The following C8orf34 variants were observed in gnomAD, a reference collection of about 807,000 sequenced individuals.
C8orf34 encodes the protein uncharacterized protein C8orf34.
In C8orf34, 65 loss-of-function variants were observed where a neutral mutation model predicts 68.3. The ratio of observed to expected loss-of-function variants is 0.95; its 90% CI spans 0.78 to 1.17. The LOEUF (loss-of-function observed/expected upper bound fraction) is 1.17, where lower values mean the gene tolerates loss of function less well. Ranked by LOEUF, C8orf34 falls within the 50% of genes most tolerant of loss-of-function variation. The pLI is 0.00. For synonymous variants in C8orf34, 244 were observed against 241.2 expected (o/e 1.01, Z -0.11); for missense variants, 664 against 655.4 (o/e 1.01, Z -0.14).
At chr8:68,804,154 T>C (rs1161946398) in intron 12 of C8orf34, among the ~76,000 whole-genome samples, 3 of 152,200 alleles carry the variant, frequency 2.0e-5, no homozygotes, top group East Asian at 1.9e-4. Flanking sequence ...AACTTTGCTG[T>C]CATTTTCTCA....
At chr8:68,508,768 G>A (rs561042401) in intron 5 of C8orf34, among the ~76,000 whole-genome samples, 3 of 152,248 alleles carry the variant, frequency 2.0e-5, no homozygotes, top group African/African-American at 7.2e-5. Flanking sequence ...ATGCAAGAGA[G>A]CAAGTCAAAA....
At chr8:68,575,822 A>G (rs1204243036) in intron 7 of C8orf34, among the ~76,000 whole-genome samples, 2 of 151,982 alleles carry the variant, frequency 1.3e-5, no homozygotes, top group Non-Finnish European at 2.9e-5. Flanking sequence ...ATCAAGTATT[A>G]TCATTGGCTC....
intron 8 of C8orf34, among the ~76,000 whole-genome samples, chr8:68,657,321 T>C (rs1819537623): frequency 6.6e-6 from 1 of 152,032 alleles, no homozygotes; most frequent in African/African-American, 2.4e-5. Context: ...CTTTGGGAGG[T>C]AATTAGGTCA....
chr8:68,455,652 C>T (rs1245844945), intron 3 of C8orf34, among the ~76,000 whole-genome samples: 1 of 151,902 alleles, frequency 6.6e-6, no homozygotes, highest in Non-Finnish European at 1.5e-5. Context: ...CATTATATGT[C>T]AGCACATTAT....
chr8:68,738,508 G>T (rs959559063), intron 10 of C8orf34, among the ~76,000 whole-genome samples: 7 of 151,928 alleles, frequency 4.6e-5, no homozygotes, highest in African/African-American at 1.7e-4. Context: ...TCAGGAGTTG[G>T]TTTTTTGAAA....
At chr8:68,345,639 A>G (rs952741802) in intron 1 of C8orf34, among the ~76,000 whole-genome samples, 4 of 152,006 alleles carry the variant, frequency 2.6e-5, no homozygotes, top group African/African-American at 9.7e-5. Flanking sequence ...CAAGTAATTA[A>G]TACAGAAAGG....
At chr8:68,677,977 A>G (rs1820245089) in intron 8 of C8orf34, among the ~76,000 whole-genome samples, 1 of 152,124 alleles carries the variant, frequency 6.6e-6, no homozygotes, top group Non-Finnish European at 1.5e-5. Context: ...AAACTGGAAA[A>G]CCTAAAAGAA....
intron 5 of C8orf34, among the ~76,000 whole-genome samples, chr8:68,489,935 A>G (rs1813239507): frequency 6.6e-6 from 1 of 152,148 alleles, no homozygotes; most frequent in African/African-American, 2.4e-5. Flanking sequence ...TAATAAACAA[A>G]CCATCATAAT....
intron 1 of C8orf34, among the ~76,000 whole-genome samples, chr8:68,353,000 A>G (rs929975948): frequency 6.6e-6 from 1 of 152,140 alleles, no homozygotes; most frequent in Non-Finnish European, 1.5e-5. Flanking sequence ...TATCTCTTGC[A>G]ACATAATGAA....
intron 10 of C8orf34, among the ~76,000 whole-genome samples, chr8:68,731,716 C>G (rs1755858079): frequency 6.6e-6 from 1 of 152,136 alleles, no homozygotes; most frequent in South Asian, 2.1e-4. Flanking sequence ...AATGGCTGTG[C>G]ATTATTGCAG....
intron 1 of C8orf34, among the ~76,000 whole-genome samples, chr8:68,380,771 G>A (rs887026025): frequency 6.6e-6 from 1 of 152,152 alleles, no homozygotes; most frequent in Non-Finnish European, 1.5e-5. Flanking sequence ...AAGAACTTCA[G>A]GATTGAAACT....
At chr8:68,544,902 A>G (rs1340272882) in intron 7 of C8orf34, among the ~76,000 whole-genome samples, 2 of 152,214 alleles carry the variant, frequency 1.3e-5, no homozygotes, top group Non-Finnish European at 2.9e-5. Context: ...TCAGTGCAAC[A>G]TACAAAATAA....
chr8:68,771,780 T>TA (rs1388934748), intron 10 of C8orf34, among the ~76,000 whole-genome samples: 3 of 151,714 alleles, frequency 2.0e-5, no homozygotes, highest in East Asian at 3.9e-4. Context: ...CATGTTTGTT[T>TA]AAAAAAAAAT....
intron 8 of C8orf34, among the ~76,000 whole-genome samples, chr8:68,666,075 A>G (rs1410713769): frequency 6.6e-6 from 1 of 152,176 alleles, no homozygotes; most frequent in Non-Finnish European, 1.5e-5. Context: ...GTATTTTTGT[A>G]AACACTTTAT....
At chr8:68,806,356 G>A (rs72652119) in intron 12 of C8orf34, among the ~76,000 whole-genome samples, 3 of 151,642 alleles carry the variant, frequency 2.0e-5, no homozygotes, top group Non-Finnish European at 2.9e-5. Context: ...GTAATTACTG[G>A]TGGTGAATTA....
At position 68,341,030 on chromosome 8, in the gene C8orf34, G is replaced by A. The variant is rs570628703; in HGVS notation, c.327+9691G>A. Among the ~76,000 whole-genome samples, 325 of 152,272 alleles carry A rather than the reference G, an allele frequency of 2.1e-3. 1 individual carries two copies. The highest frequency in any genetic ancestry group is 7.5e-3 in the African/African-American group (313 of 41,552). On this transcript the variant is annotated intron_variant, in intron 1 of 13. Coordinates refer to ENST00000518698, the MANE Select transcript of C8orf34 (RefSeq NM_052958.4). ...AAAATCAATGTAATCAACTGTCTTT[G>A]TACCTTCCAGCTGCTATAATGAAAA...
At chr8:68,354,736 C>T (rs1359441956) in intron 1 of C8orf34, among the ~76,000 whole-genome samples, 1 of 152,044 alleles carries the variant, frequency 6.6e-6, no homozygotes, top group South Asian at 2.1e-4. Context: ...CAGGTATCTG[C>T]GGACAAAAGA....
chr8:68,373,567 C>T (rs78719101), intron 1 of C8orf34, among the ~76,000 whole-genome samples: 6,673 of 152,224 alleles, frequency 0.044, 442 homozygotes, highest in African/African-American at 0.15. Flanking sequence ...AGCTTTAATG[C>T]TGTAGCCAAG....
intron 7 of C8orf34, among the ~76,000 whole-genome samples, chr8:68,565,632 TGA>T (rs79106468): frequency 0.19 from 28,745 of 152,102 alleles, 3,257 homozygotes; most frequent in African/African-American, 0.32. Flanking sequence ...GTCGCGATGC[TGA>T]GAGTTTTCTA....
Sources: gnomAD v4.1 joint callset for allele counts (sites outside exome capture counted in the v4.1 genomes callset) on GRCh38, gnomAD v4.1.1 for gene constraint, MANE v1.5 for transcripts, NCBI Gene and HGNC (gene_info 2026-07-23, HGNC 2026-07-21) for gene names.